Variants in ERBB4 observed in about 807,000 individuals in gnomAD.
ERBB4 encodes erb-b2 receptor tyrosine kinase 4, also known as receptor tyrosine-protein kinase erbB-4.
Under a neutral mutation model 158.0 loss-of-function variants are expected in ERBB4, and 42 were observed. The ratio of observed to expected loss-of-function variants is 0.27; its 90% CI spans 0.21 to 0.34. The LOEUF is 0.34. Ranked by LOEUF, ERBB4 falls within the 10% of genes least tolerant of loss-of-function variation. ERBB4 has a pLI of 1.00. For synonymous variants in ERBB4, 583 were observed against 558.7 expected (o/e 1.04, Z -0.61); for missense variants, 1,333 against 1,624.1 (o/e 0.82, Z 3.08).
chr2:211,678,566 A>C (rs777860458), intron 13 of ERBB4, among the ~76,000 whole-genome samples: 5 of 152,340 alleles, frequency 3.3e-5, no homozygotes, highest in East Asian at 3.9e-4. Flanking sequence ...ATTTCAAATA[A>C]AATTATTTTT....
At chr2:211,773,633 T>TATTATATATATATA (rs1553630518) in intron 4 of ERBB4, among the ~76,000 whole-genome samples, 12 of 102,852 alleles carry the variant, frequency 1.2e-4, no homozygotes, top group African/African-American at 4.6e-4. Flanking sequence ...TATATATATA[T>TATTATATATATATA]ATATATATAT....
chr2:211,393,661 A>G (rs1274238509), intron 25 of ERBB4, among the ~76,000 whole-genome samples: 2 of 151,860 alleles, frequency 1.3e-5, no homozygotes, highest in African/African-American at 4.8e-5. Context: ...TTACTGCTCC[A>G]CCCCACTTAT....
intron 22 of ERBB4, 22 bp from the exon 23 acceptor site, chr2:211,424,323 T>G (rs1296161281): frequency 6.3e-7 from 1 of 1,588,526 alleles, no homozygotes; most frequent in Non-Finnish European, 8.6e-7. Context: ...AAAAAATTCT[T>G]ACTTAAGCAT....
chr2:212,453,509 A>G (rs1180754226), intron 1 of ERBB4, among the ~76,000 whole-genome samples: 1 of 152,184 alleles, frequency 6.6e-6, no homozygotes, highest in African/African-American at 2.4e-5. Flanking sequence ...TTGTTTAAAT[A>G]GGGTTCTTAT....
At chr2:212,170,673 T>G (rs763566944) in intron 1 of ERBB4, among the ~76,000 whole-genome samples, 2 of 152,072 alleles carry the variant, frequency 1.3e-5, no homozygotes, top group Non-Finnish European at 2.9e-5. Flanking sequence ...CAGCTATGGT[T>G]AAAAGGTGCC....
intron 12 of ERBB4, among the ~76,000 whole-genome samples, chr2:211,699,177 G>A (rs914704688): frequency 6.6e-6 from 1 of 152,172 alleles, no homozygotes; most frequent in Admixed American, 6.5e-5. Flanking sequence ...ATGTAGGTGA[G>A]CATGTAAGGG....
intron 3 of ERBB4, among the ~76,000 whole-genome samples, chr2:211,821,738 T>A (rs1198516639): frequency 6.6e-6 from 1 of 151,834 alleles, no homozygotes; most frequent in East Asian, 1.9e-4. Context: ...ACAAAGCTGC[T>A]AAAAATACAC....
chr2:212,038,670 C>T, intron 2 of ERBB4, among the ~76,000 whole-genome samples: 1 of 152,178 alleles, frequency 6.6e-6, no homozygotes, highest in South Asian at 2.1e-4. Flanking sequence ...TCTTCTTTCA[C>T]CATATCTATA....
At chr2:211,961,941 T>C (rs1188201550) in intron 2 of ERBB4, among the ~76,000 whole-genome samples, 1 of 152,104 alleles carries the variant, frequency 6.6e-6, no homozygotes, top group Non-Finnish European at 1.5e-5. Context: ...GTGATAAAAC[T>C]ATAAAGACAT....
intron 1 of ERBB4, among the ~76,000 whole-genome samples, chr2:212,223,552 T>A (rs543524167): frequency 3.0e-4 from 45 of 151,264 alleles, no homozygotes; most frequent in East Asian, 9.7e-4. Flanking sequence ...ATTATTCACA[T>A]GTTTTTCAAT....
chr2:211,537,902 C>G (rs139029338), intron 20 of ERBB4, among the ~76,000 whole-genome samples: 7 of 151,742 alleles, frequency 4.6e-5, no homozygotes, highest in Non-Finnish European at 1.0e-4. Context: ...TTTCAAAAAC[C>G]CTTTAAGACA....
At chr2:211,859,622 G>C (rs2077961670) in intron 3 of ERBB4, among the ~76,000 whole-genome samples, 1 of 152,086 alleles carries the variant, frequency 6.6e-6, no homozygotes, top group African/African-American at 2.4e-5. Flanking sequence ...AATACAAAAT[G>C]AATCCTGACT....
At chr2:212,022,272 G>A (rs906624195) in intron 2 of ERBB4, among the ~76,000 whole-genome samples, 3 of 152,070 alleles carry the variant, frequency 2.0e-5, no homozygotes, top group African/African-American at 4.8e-5. Flanking sequence ...GCAAAGTAAT[G>A]GAATTGTCCC....
chr2:211,381,357 T>G lies in ERBB4; in HGVS notation c.*2258A>C, dbSNP rs1242461665. On this transcript the variant is annotated 3_prime_UTR_variant, in exon 28 of 28. Transcript: ENST00000342788. ...ATTAGTCAGTGATGCAATATTCTCC[T>G]AGACCAGTTTATGTTTGAATAATAT... is the stretch of plus-strand genomic sequence containing the variant. 4.3e-6 allele frequency: 1 copy of G among 232,150 alleles called. No individual in the cohort carries two copies. Among genetic ancestry groups the G allele is most frequent in the Admixed American group, 5.6e-5 (1 of 17,736 alleles). 14.4% of individuals were successfully genotyped at this position (232,150 alleles called of 1,614,324 possible).
At chr2:211,384,254 A>G (rs2062637898) in intron 27 of ERBB4, among the ~76,000 whole-genome samples, 194 bp from the exon 28 acceptor site, 1 of 152,190 alleles carries the variant, frequency 6.6e-6, no homozygotes, top group Non-Finnish European at 1.5e-5. Flanking sequence ...AAAAATGTTT[A>G]TAATAAAACA....
chr2:212,110,150 CT>C (rs1252320605), intron 2 of ERBB4, among the ~76,000 whole-genome samples: 3 of 152,162 alleles, frequency 2.0e-5, no homozygotes, highest in Admixed American at 6.5e-5. Context: ...CCTTATAAAT[CT>C]TGACTAGAGG....
intron 2 of ERBB4, among the ~76,000 whole-genome samples, chr2:211,956,717 AT>A (rs2081045406): frequency 6.6e-6 from 1 of 152,176 alleles, no homozygotes; most frequent in Admixed American, 6.6e-5. Flanking sequence ...AAGCAAAAAC[AT>A]TTAATATTAA....
intron 1 of ERBB4, among the ~76,000 whole-genome samples, chr2:212,140,298 CAAT>C (rs985239483): frequency 3.3e-5 from 5 of 149,732 alleles, no homozygotes; most frequent in Non-Finnish European, 3.0e-5. Context: ...GAAGAAAAAA[CAAT>C]AATATGTTGC....
intron 2 of ERBB4, among the ~76,000 whole-genome samples, chr2:211,958,949 T>C (rs1362102168): frequency 6.6e-6 from 1 of 151,934 alleles, no homozygotes; most frequent in African/African-American, 2.4e-5. Context: ...TCTTAGATGC[T>C]ATCTGACCTT....
Sources: allele counts gnomAD v4.1 joint callset (sites outside exome capture counted in the v4.1 genomes callset), GRCh38; gene constraint gnomAD v4.1.1; transcripts MANE v1.5; gene names NCBI Gene and HGNC (gene_info 2026-07-23, HGNC 2026-07-21).